Variants in PLCZ1 observed in about 807,000 individuals in gnomAD.
The protein encoded by PLCZ1 is phospholipase C zeta 1, also known as 1-phosphatidylinositol 4,5-bisphosphate phosphodiesterase zeta-1.
A neutral mutation model predicts 76.8 loss-of-function variants in PLCZ1; 64 were observed. The ratio of observed to expected loss-of-function variants is 0.83; its 90% CI spans 0.68 to 1.03. PLCZ1 has a LOEUF of 1.03. PLCZ1 is among the 50% of genes least tolerant of loss of function. The pLI is 0.00. For synonymous variants in PLCZ1, 248 were observed against 230.8 expected (o/e 1.07, Z -0.68); for missense variants, 751 against 713.7 (o/e 1.05, Z -0.60).
At chr12:18,654,743 A>G in the PLCZ1 span, among the ~76,000 whole-genome samples, 3 of 152,168 alleles carry the variant, frequency 2.0e-5, no homozygotes, top group Admixed American at 6.6e-5. Context: ...TTTACATGGG[A>G]CTTTCCTACT....
At chr12:18,674,879 C>G in the PLCZ1 span, among the ~76,000 whole-genome samples, 1 of 152,082 alleles carries the variant, frequency 6.6e-6, no homozygotes, top group Non-Finnish European at 1.5e-5. Flanking sequence ...GTGAAGAACC[C>G]TGGGATGAAA....
chr12:18,683,531 A>T, intron 14 of PLCZ1: 6 of 1,512,536 alleles, frequency 4.0e-6, no homozygotes, highest in Non-Finnish European at 5.3e-6. Context: ...AAAACTGAAT[A>T]CACAGCTCAT....
intron 10 of PLCZ1, among the ~76,000 whole-genome samples, chr12:18,699,198 C>G (rs1955536291): frequency 6.6e-6 from 1 of 152,172 alleles, no homozygotes; most frequent in African/African-American, 2.4e-5. Flanking sequence ...TCTGGTAGTC[C>G]AGCCTGGGCG....
At chr12:18,722,949 A>G (rs930790671) in intron 4 of PLCZ1, among the ~76,000 whole-genome samples, 1 of 152,022 alleles carries the variant, frequency 6.6e-6, no homozygotes, top group Non-Finnish European at 1.5e-5. Context: ...AAGACCACCT[A>G]TAACTGGGGT....
the PLCZ1 span, among the ~76,000 whole-genome samples, chr12:18,655,285 C>G: frequency 5.3e-5 from 8 of 152,102 alleles, no homozygotes; most frequent in African/African-American, 1.9e-4. Flanking sequence ...AAAATATTCC[C>G]AAAGACACAG....
chr12:18,654,127 A>G, the PLCZ1 span, among the ~76,000 whole-genome samples: 1 of 152,144 alleles, frequency 6.6e-6, no homozygotes, highest in African/African-American at 2.4e-5. Flanking sequence ...TGGGATCTCA[A>G]AACACAGACT....
Position 18,687,339 on chromosome 12 carries a change from C to A in PLCZ1, c.1591+750G>T, listed in dbSNP as rs552340263. On this transcript the variant is annotated intron_variant, in intron 13 of 14. Coordinates refer to ENST00000266505, the MANE Select transcript of PLCZ1 (RefSeq NM_033123.4). ...TTGATCTGGAGCATATTTCTAGACTCTGGAATGAAGTCCACTTTGCTTTGA... is the reference window on the plus strand; with the variant it reads ...TTGATCTGGAGCATATTTCTAGACTATGGAATGAAGTCCACTTTGCTTTGA... 2.6e-5 allele frequency among the ~76,000 whole-genome samples: 4 copies of A among 152,234 alleles called. No individual in the cohort carries two copies. In the East Asian group the frequency reaches 5.8e-4, roughly 22 times the overall value.
intron 10 of PLCZ1, among the ~76,000 whole-genome samples, chr12:18,697,221 T>C (rs1432499228): frequency 6.6e-6 from 1 of 152,108 alleles, no homozygotes; most frequent in Non-Finnish European, 1.5e-5. Context: ...CCAACTAGAA[T>C]AGAATCACCT....
At chr12:18,709,733 G>C (rs1957066212) in intron 6 of PLCZ1, among the ~76,000 whole-genome samples, 1 of 152,024 alleles carries the variant, frequency 6.6e-6, no homozygotes, top group Non-Finnish European at 1.5e-5. Context: ...AAAAAACCCT[G>C]TGTATTGCTT....
intron 4 of PLCZ1, among the ~76,000 whole-genome samples, chr12:18,719,899 A>G (rs1958338876): frequency 6.6e-6 from 1 of 152,056 alleles, no homozygotes; most frequent in African/African-American, 2.4e-5. Context: ...AGAAAAGTAC[A>G]TATATTATGG....
At chr12:18,726,422 C>T (rs370017931) in intron 3 of PLCZ1, among the ~76,000 whole-genome samples, 1 of 152,116 alleles carries the variant, frequency 6.6e-6, no homozygotes, top group Non-Finnish European at 1.5e-5. Flanking sequence ...TTTAGAAATA[C>T]ACCATATGCT....
chr12:18,700,442 G>A (rs2137247158), intron 9 of PLCZ1, among the ~76,000 whole-genome samples: 1 of 136,928 alleles, frequency 7.3e-6, no homozygotes, highest in Non-Finnish European at 1.5e-5. Flanking sequence ...CAGCTAAACA[G>A]AGCTTTGCAT....
chr12:18,675,478 A>G, the PLCZ1 span, among the ~76,000 whole-genome samples: 2 of 152,192 alleles, frequency 1.3e-5, no homozygotes, highest in East Asian at 3.9e-4. Context: ...TCACAGAACT[A>G]AAAGCAGAAC....
At chr12:18,670,840 G>C in the PLCZ1 span, among the ~76,000 whole-genome samples, 1 of 151,976 alleles carries the variant, frequency 6.6e-6, no homozygotes, top group Admixed American at 6.6e-5. Context: ...TCCTTTACTT[G>C]ATCAAATCAG....
At position 18,713,079 on chromosome 12, in the gene PLCZ1, T is replaced by A. The variant is rs1957530167; in HGVS notation, c.570-93A>T. ...ATATTCCAAAGACCATTTGATTTTA[T>A]AATAAATGCATAAATGAGTCCATAA... On this transcript the variant is annotated intron_variant, in intron 5 of 14. Transcript: ENST00000266505. The A allele has an allele frequency of 2.7e-6, 4 of 1,489,480 alleles. No individual in the cohort carries two copies. In the South Asian group the frequency reaches 3.5e-5, roughly 13 times the overall value. The allele number at this position is 1,489,480 out of a possible 1,614,324, so 92.3% of individuals were successfully genotyped here. A position where few individuals can be genotyped will look rare whatever the true frequency, so the allele number is the denominator to read the frequency against.
chr12:18,677,209 T>C, the PLCZ1 span, among the ~76,000 whole-genome samples: 1 of 152,078 alleles, frequency 6.6e-6, no homozygotes, highest in Admixed American at 6.6e-5. Context: ...CACAATATGA[T>C]GCACAAATAT....
chr12:18,662,724 G>C, the PLCZ1 span, among the ~76,000 whole-genome samples: 1 of 152,074 alleles, frequency 6.6e-6, no homozygotes, highest in Admixed American at 6.6e-5. Flanking sequence ...ATGAGGTCTA[G>C]TCTGTAAAGG....
At chr12:18,731,141 G>A (rs1959027562) in intron 3 of PLCZ1, 1 of 152,038 alleles carries the variant, frequency 6.6e-6, no homozygotes, top group South Asian at 2.1e-4. Context: ...GAGAGAAGTG[G>A]TTGTTGGAAG....
chr12:18,692,288 A>G (rs1423434097), intron 12 of PLCZ1, among the ~76,000 whole-genome samples: 2 of 152,174 alleles, frequency 1.3e-5, no homozygotes, highest in Non-Finnish European at 2.9e-5. Context: ...ATGAAACCAT[A>G]GCCACTCTAT....
Sources: allele counts gnomAD v4.1 joint callset (sites outside exome capture counted in the v4.1 genomes callset), GRCh38; gene constraint gnomAD v4.1.1; transcripts MANE v1.5; gene names NCBI Gene and HGNC (gene_info 2026-07-23, HGNC 2026-07-21).